Variants in HEATR5A observed in about 807,000 individuals in gnomAD.
HEATR5A encodes HEAT repeat containing 5A.
HEATR5A carries 178 observed loss-of-function variants against 218.8 expected under a neutral mutation model. The observed-to-expected ratio is 0.81, with a 90% CI of 0.72 to 0.92. The LOEUF (loss-of-function observed/expected upper bound fraction) is 0.92, where lower values mean the gene tolerates loss of function less well. Ranked by LOEUF, HEATR5A falls within the 40% of genes least tolerant of loss-of-function variation. The pLI is 0.00. For missense variants in HEATR5A, 2,420 were observed against 2,418.9 expected (o/e 1.00, Z -0.01); for synonymous variants, 864 against 871.6 (o/e 0.99, Z 0.15).
At chr14:31,339,978 A>G (rs992965474) in intron 21 of HEATR5A, among the ~76,000 whole-genome samples, 1 of 152,204 alleles carries the variant, frequency 6.6e-6, no homozygotes, top group Non-Finnish European at 1.5e-5. Context: ...GGCTAGTCAA[A>G]CATCTTTTAG....
rs565135830 is a variant in HEATR5A, at chr14:31,291,880, T to C, written c.*1425A>G. On this transcript the variant is annotated 3_prime_UTR_variant, in exon 36 of 36. Transcript: ENST00000543095. ...TGTTTTCACTCTGAACAATTTACAA[T>C]AGTATTTATATACAAACATAATAAA... The C allele has an allele frequency of 6.6e-6, 1 of 152,204 alleles. No homozygotes were observed. The highest frequency in any genetic ancestry group is 6.5e-5 in the Admixed American group (1 of 15,276). The allele number at this position is 152,204 out of a possible 1,614,324, so 9.4% of individuals were successfully genotyped here.
At chr14:31,407,666 T>C (rs1566785519) in intron 1 of HEATR5A, among the ~76,000 whole-genome samples, 1 of 109,422 alleles carries the variant, frequency 9.1e-6, no homozygotes, top group Non-Finnish European at 2.0e-5. Flanking sequence ...TTCACTCTTG[T>C]TGTCCAGGCT....
chr14:31,320,416 C>G (rs1900053662), intron 25 of HEATR5A: 1 of 1,197,852 alleles, frequency 8.3e-7, no homozygotes, highest in East Asian at 2.3e-5. Flanking sequence ...CTGTGGCTGA[C>G]CCAGCACCAA....
chr14:31,318,831 A>G (rs1189474027), intron 25 of HEATR5A, among the ~76,000 whole-genome samples: 1 of 152,110 alleles, frequency 6.6e-6, no homozygotes, highest in Non-Finnish European at 1.5e-5. Context: ...AGCTGACAGC[A>G]TTGCCTGGCT....
intron 21 of HEATR5A, among the ~76,000 whole-genome samples, chr14:31,337,983 G>A (rs927835106): frequency 6.6e-6 from 1 of 152,156 alleles, no homozygotes; most frequent in African/African-American, 2.4e-5. Context: ...ATATTATAAT[G>A]TTTTATCATT....
At chr14:31,369,624 A>AC (rs1901948848) in intron 13 of HEATR5A, among the ~76,000 whole-genome samples, 1 of 147,742 alleles carries the variant, frequency 6.8e-6, no homozygotes, top group Non-Finnish European at 1.5e-5. Context: ...AAAAAAAAAA[A>AC]AAAAAAAAAA....
chr14:31,351,893 G>A (rs899693179), intron 16 of HEATR5A, among the ~76,000 whole-genome samples: 1 of 151,988 alleles, frequency 6.6e-6, no homozygotes, highest in Non-Finnish European at 1.5e-5. Flanking sequence ...AGGATTATAG[G>A]GGTAAACCAC....
At chr14:31,378,678 C>T (rs2029873510) in intron 11 of HEATR5A, among the ~76,000 whole-genome samples, 1 of 151,084 alleles carries the variant, frequency 6.6e-6, no homozygotes, top group African/African-American at 2.4e-5. Context: ...GTCCCAGCTA[C>T]TCGGGAGGCT....
At position 31,328,890 on chromosome 14, in the gene HEATR5A, G is replaced by GA. The variant is rs71112399; in HGVS notation, c.3368-2549dup. ...GTGAGACTCTGTCTTGAAAGAAAAGGAAAAAAAAAAAAAAGAGGTTTCATT... is the reference window on the plus strand; with the variant it reads ...GTGAGACTCTGTCTTGAAAGAAAAGGAAAAAAAAAAAAAAAGAGGTTTCATT... On this transcript the variant is annotated intron_variant, in intron 22 of 35. Transcript: ENST00000543095. 5.3e-4 allele frequency among the ~76,000 whole-genome samples: 76 copies of GA among 143,128 alleles called. No individual in the cohort carries two copies. In the East Asian group the frequency reaches 8.2e-3, roughly 15 times the overall value. 93.9% of individuals were successfully genotyped at this position (143,128 alleles called of 152,430 possible). A position where few individuals can be genotyped will look rare whatever the true frequency, so the allele number is the denominator to read the frequency against.
At chr14:31,325,901 C>A in intron 23 of HEATR5A, 1 of 474,606 alleles carries the variant, frequency 2.1e-6, no homozygotes, top group Non-Finnish European at 3.8e-6. Flanking sequence ...AATAACTTTA[C>A]TTTTTAATTT....
chr14:31,359,178 A>C (rs950352698), intron 14 of HEATR5A, 121 bp from the exon 15 acceptor site: 13 of 912,864 alleles, frequency 1.4e-5, no homozygotes. Context: ...CACAGCCAAA[A>C]GACTGTATTT....
chr14:31,382,283 T>C (rs2030023162), intron 10 of HEATR5A, among the ~76,000 whole-genome samples: 1 of 152,204 alleles, frequency 6.6e-6, no homozygotes, highest in African/African-American at 2.4e-5. Flanking sequence ...TCCAAAGTTG[T>C]CACCTACCTT....
intron 33 of HEATR5A, among the ~76,000 whole-genome samples, chr14:31,298,444 C>T (rs1899260826): frequency 6.6e-6 from 1 of 152,138 alleles, no homozygotes; most frequent in African/African-American, 2.4e-5. Flanking sequence ...GCAAGCTCAT[C>T]ATAAACCTCA....
In HEATR5A at chr14:31,358,660, G is replaced by A. The variant is rs777962758; in HGVS notation, c.2388C>T (p.Cys796=). The A allele has an allele frequency of 7.4e-5, 119 of 1,613,252 alleles. No homozygotes were observed. The highest frequency in any genetic ancestry group is 9.4e-5 in the Non-Finnish European group (111 of 1,179,724). The part of the protein sequence containing the change: ...SSASKLFGVV[C]AHVGETQRLL... ...ACCTTTGAGTTTCTCCCACATGAGC[G>A]CATACAACCCCAAAGAGCTTGGATG... The change falls in exon 16 of 36, where the codon TGC becomes TGT. Residue 796 remains cysteine, a synonymous_variant. Transcript: ENST00000543095.
At chr14:31,312,189 GA>G (rs1424260381) in intron 28 of HEATR5A, among the ~76,000 whole-genome samples, 3 of 152,128 alleles carry the variant, frequency 2.0e-5, no homozygotes, top group African/African-American at 7.2e-5. Flanking sequence ...CTTTTGAAGA[GA>G]AACTCAGAAA....
At chr14:31,366,899 A>G (rs942011703) in intron 13 of HEATR5A, among the ~76,000 whole-genome samples, 1 of 152,218 alleles carries the variant, frequency 6.6e-6, no homozygotes, top group Non-Finnish European at 1.5e-5. Flanking sequence ...CAAACTAGGA[A>G]TAGGAGGTTA....
At chr14:31,326,128 T>C in intron 23 of HEATR5A, 35 bp downstream of exon 23, 2 of 1,553,048 alleles carry the variant, frequency 1.3e-6, no homozygotes, top group Non-Finnish European at 1.8e-6. Context: ...CAAATTTCAA[T>C]TTTATTATTT....
At chr14:31,298,691 T>C (rs1050308619) in intron 33 of HEATR5A, among the ~76,000 whole-genome samples, 2 of 152,178 alleles carry the variant, frequency 1.3e-5, no homozygotes, top group Non-Finnish European at 2.9e-5. Flanking sequence ...AAATGTGCTG[T>C]AAATTTTATT....
At chr14:31,356,922 T>A (rs970051988) in intron 16 of HEATR5A, among the ~76,000 whole-genome samples, 1 of 152,216 alleles carries the variant, frequency 6.6e-6, no homozygotes, top group Non-Finnish European at 1.5e-5. Flanking sequence ...TTAATTTAAA[T>A]CCTTTGCTTA....
Sources: allele counts gnomAD v4.1 joint callset (sites outside exome capture counted in the v4.1 genomes callset), GRCh38; gene constraint gnomAD v4.1.1; transcripts MANE v1.5; gene names NCBI Gene and HGNC (gene_info 2026-07-23, HGNC 2026-07-21).